C1QL4: variants seen among roughly 807,000 people sequenced by gnomAD.
C1QL4 encodes complement C1q like 4, also known as complement C1q-like protein 4.
C1QL4 carries 5 observed loss-of-function variants against 13.4 expected under a neutral mutation model. That is an observed-to-expected ratio of 0.37 (90% CI 0.19 to 0.78). C1QL4 has a LOEUF of 0.78. Among genes scored for constraint, C1QL4 ranks in the 30% least tolerant of loss-of-function variants. The pLI is 0.47. For missense variants in C1QL4, 367 were observed against 361.6 expected (o/e 1.01, Z -0.12); for synonymous variants, 168 against 153.9 (o/e 1.09, Z -0.68).
chr12:49,333,051 G>T lies in C1QL4; in HGVS notation c.*3C>A, dbSNP rs764974876. ...GCGAGCGGGGGCACGGGGCGGGGCC[G>T]GCTCAGTCGGGGTAGATGATGAAGC... On this transcript the variant is annotated 3_prime_UTR_variant, in exon 2 of 2. Coordinates refer to ENST00000334221, the MANE Select transcript of C1QL4 (RefSeq NM_001008223.2). 1.2e-6 allele frequency: 2 copies of T among 1,610,184 alleles called. No homozygotes were observed. The highest frequency in any genetic ancestry group is 2.2e-5 in the East Asian group (1 of 44,696).
chr12:49,336,757 C>T lies in C1QL4; in HGVS notation c.-280G>A, dbSNP rs556956801. 2.4e-6 allele frequency: 1 copy of T among 424,674 alleles called. No homozygotes were observed. Among genetic ancestry groups the T allele is most frequent in the Non-Finnish European group, 4.2e-6 (1 of 239,436 alleles). 26.3% of individuals were successfully genotyped at this position (424,674 alleles called of 1,614,324 possible). ...CTCGTGGGTTACGTCAGGGGCAGCT[C>T]CCGACGGTCCAGAGCCAGTGGTCCT... is the stretch of plus-strand genomic sequence containing the variant. On this transcript the variant is annotated 5_prime_UTR_variant, in exon 1 of 2. Coordinates refer to ENST00000334221, the MANE Select transcript of C1QL4 (RefSeq NM_001008223.2). The surrounding 1 kb of genome is among the most constrained non-coding windows in gnomAD (Gnocchi z 7.7).
At position 49,335,407 on chromosome 12, in the gene C1QL4, T is replaced by A. The variant is rs184595308; in HGVS notation, c.537+534A>T. Among the ~76,000 whole-genome samples, 459 of 152,352 alleles carry A rather than the reference T, an allele frequency of 3.0e-3. 1 individual carries two copies. The highest frequency in any genetic ancestry group is 6.8e-3 in the Middle Eastern group (2 of 294). On this transcript the variant is annotated intron_variant, in intron 1 of 1. Transcript: ENST00000334221. ...TGAAGTGAGCAGGCAAATGTTTTCT[T>A]CCTTTTATACCTTTTCCTCAAACAT... is the stretch of plus-strand genomic sequence containing the variant.
Position 49,336,321 on chromosome 12 carries a change from G to A in C1QL4, c.157C>T (p.Pro53Ser), listed in dbSNP as rs939588157. ...CCCACCTCTCCCTTGGCGCCTGGCG[G>A]GAAGGGGGGCACGGAAGCAGGCGCG... is the stretch of plus-strand genomic sequence containing the variant. ...DGAPASVPPF[P>S]PGAKGEVGRR... The change falls in exon 1 of 2, where the codon CCG becomes TCG. Residue 53 changes from proline (P) to serine (S), a missense_variant. Pro to Ser is a moderately conservative substitution (Grantham distance 74). Transcript: ENST00000334221. This position sits in a 1 kb window ranked among gnomAD's most constrained non-coding sequence, Gnocchi z 7.7. The A allele has an allele frequency of 1.9e-5, 27 of 1,419,062 alleles. No homozygotes were observed. The African/African-American group carries it at 2.6e-4, about 13-fold the overall frequency. The allele number at this position is 1,419,062 out of a possible 1,614,324, so 87.9% of individuals were successfully genotyped here. A position where few individuals can be genotyped will look rare whatever the true frequency, so the allele number is the denominator to read the frequency against.
intron 1 of C1QL4, among the ~76,000 whole-genome samples, chr12:49,333,832 C>T (rs1055805296): frequency 6.6e-6 from 1 of 151,822 alleles, no homozygotes; most frequent in Non-Finnish European, 1.5e-5. Context: ...GCCACCGCGC[C>T]TGGCTCAGTG....
intron 1 of C1QL4, 25 bp from the exon 2 acceptor site, chr12:49,333,258 A>G: frequency 2.5e-6 from 4 of 1,608,698 alleles, no homozygotes; most frequent in Non-Finnish European, 1.7e-6. Flanking sequence ...GAACCTGCTC[A>G]TGCTCTGTGT....
intron 1 of C1QL4, among the ~76,000 whole-genome samples, chr12:49,334,425 G>A (rs1943615922): frequency 1.3e-5 from 2 of 152,180 alleles, no homozygotes; most frequent in Non-Finnish European, 1.5e-5. Context: ...GTGGGGGGTC[G>A]TCTTCTGCCA....
In C1QL4 at chr12:49,334,957, G is replaced by A. The variant is rs549563255; in HGVS notation, c.537+984C>T. The stretch of plus-strand genomic sequence containing the variant: ...CCTGGGTCGCCACCACCCCCTTCAT[G>A]CTGGACATCCAGAGGTCACCACTCA... On this transcript the variant is annotated intron_variant, in intron 1 of 1. Coordinates refer to ENST00000334221, the MANE Select transcript of C1QL4 (RefSeq NM_001008223.2). Among the ~76,000 whole-genome samples the A allele has an allele frequency of 2.6e-5, 4 of 152,248 alleles. No individual in the cohort carries two copies. The East Asian group carries it at 7.7e-4, about 29-fold the overall frequency.
In C1QL4 at chr12:49,335,941, C is replaced by T. The variant is rs1420589770; in HGVS notation, c.537G>A (p.Gln179=). The T allele has an allele frequency of 1.3e-6, 2 of 1,598,522 alleles. No individual in the cohort carries two copies. The highest frequency in any genetic ancestry group is 1.3e-5 in the African/African-American group (1 of 74,588). Residue 179 remains glutamine (Q), a splice_region_variant and synonymous_variant, in exon 1 of 2, where the codon CAG becomes CAA. Transcript: ENST00000334221. ...SMWADLMKNG[Q]VRASAIAQDA... is the part of the protein sequence containing the mutation. ...TGGGTTGGGGAGAGGGGCATCTCACCTGTCCGTTCTTCATGAGGTCGGCCC... is the reference window on the plus strand; with the variant it reads ...TGGGTTGGGGAGAGGGGCATCTCACTTGTCCGTTCTTCATGAGGTCGGCCC...
chr12:49,335,570 GC>G (rs1266501189), intron 1 of C1QL4, among the ~76,000 whole-genome samples: 2 of 152,166 alleles, frequency 1.3e-5, no homozygotes, highest in African/African-American at 4.8e-5. Context: ...GGCCAGGGGG[GC>G]TGCCGCAGAA....
rs769557202 is a variant in C1QL4 at position 49,336,325 on chromosome 12, G to C, written c.153C>G (p.Pro51=). The change falls in exon 1 of 2, where the codon CCC becomes CCG. Residue 51 remains proline (P), a synonymous_variant. Transcript: ENST00000334221. The surrounding 1 kb of genome is among the most constrained non-coding windows in gnomAD (Gnocchi z 7.7). ...GPDGAPASVP[P]FPPGAKGEVG... is the part of the protein sequence containing the mutation. ...CCTCTCCCTTGGCGCCTGGCGGGAAGGGGGGCACGGAAGCAGGCGCGCCGT... is the reference window on the plus strand; with the variant it reads ...CCTCTCCCTTGGCGCCTGGCGGGAACGGGGGCACGGAAGCAGGCGCGCCGT... 1.5e-5 allele frequency: 22 copies of C among 1,421,310 alleles called. No homozygotes were observed. Among genetic ancestry groups the C allele is most frequent in the African/African-American group, 4.5e-5 (3 of 66,364 alleles). 88.0% of individuals were successfully genotyped at this position (1,421,310 alleles called of 1,614,324 possible).
Position 49,336,149 on chromosome 12 carries a change from A to G in C1QL4, c.329T>C (p.Ile110Thr). 1 of 1,607,428 alleles carries G rather than the reference A, an allele frequency of 6.2e-7. No individual in the cohort carries two copies. Among genetic ancestry groups the G allele is most frequent in the Non-Finnish European group, 8.5e-7 (1 of 1,177,084 alleles). Residue 110 changes from isoleucine (I) to threonine (T), a missense_variant, in exon 1 of 2, where the codon ATT (isoleucine) becomes ACT (threonine). Transcript: ENST00000334221. This position sits in a 1 kb window ranked among gnomAD's most constrained non-coding sequence, Gnocchi z 7.7. ...VAPAAGYVPR[I>T]AFYAGLRRPH... ...CCGCCGCAGGCCCGCGTAGAAAGCA[A>G]TGCGAGGCACGTAGCCGGCAGCGGG...
At position 49,336,056 on chromosome 12, in the gene C1QL4, GC is replaced by G. The variant is rs760020516; in HGVS notation, c.421del (p.Ala141GlnfsTer35). 3 of 1,612,326 alleles carry G rather than the reference GC, an allele frequency of 1.9e-6. No individual in the cohort carries two copies. In the East Asian group the frequency reaches 6.7e-5, roughly 36 times the overall value. On this transcript the variant is annotated frameshift_variant, in exon 1 of 2. Transcript: ENST00000334221. LOFTEE classifies it high-confidence loss of function. The surrounding 1 kb of genome is among the most constrained non-coding windows in gnomAD (Gnocchi z 7.7). ...GGGGCAAGTAAACTTGCCGCTGGCT[GC>G]CTCGTAGGCGTTGCCCACGTTGGTC... ...VVTNVGNAYE[A>X]ASGKFTCPMP... is the part of the protein sequence containing the mutation.
chr12:49,336,115 C>T lies in C1QL4; in HGVS notation c.363G>A (p.Glu121=), dbSNP rs776540032. 5 of 1,611,510 alleles carry T rather than the reference C, an allele frequency of 3.1e-6. No individual in the cohort carries two copies. Among genetic ancestry groups the T allele is most frequent in the Admixed American group, 1.7e-5 (1 of 59,986 alleles). ...CGTCGAAGCGCAGCACCTCGTAACC[C>T]TCGTGGGGCCGCCGCAGGCCCGCGT... is the stretch of plus-strand genomic sequence containing the variant. ...AFYAGLRRPH[E]GYEVLRFDDV... The change falls in exon 1 of 2, where the codon GAG becomes GAA. Residue 121 remains glutamate, a synonymous_variant. Transcript: ENST00000334221. The surrounding 1 kb of genome is among the most constrained non-coding windows in gnomAD (Gnocchi z 7.7).
intron 1 of C1QL4, among the ~76,000 whole-genome samples, chr12:49,335,349 C>T (rs1943623565): frequency 6.6e-6 from 1 of 152,278 alleles, no homozygotes; most frequent in Admixed American, 6.5e-5. Context: ...GCCCCCAGCC[C>T]TGGGGTGAGC....
chr12:49,332,494 G>C lies in C1QL4; in HGVS notation c.*560C>G, dbSNP rs1418322264. On this transcript the variant is annotated 3_prime_UTR_variant, in exon 2 of 2. Coordinates refer to ENST00000334221, the MANE Select transcript of C1QL4 (RefSeq NM_001008223.2). ...GATAGGGGGGAATGGGGACTGTACA[G>C]AATGCGTTTTAAATGCCAGGAAAGA... 6.2e-6 allele frequency: 1 copy of C among 160,112 alleles called. No homozygotes were observed. The highest frequency in any genetic ancestry group is 1.4e-5 in the Non-Finnish European group (1 of 72,036). The allele number at this position is 160,112 out of a possible 1,614,324, so 9.9% of individuals were successfully genotyped here. A position where few individuals can be genotyped will look rare whatever the true frequency, so the allele number is the denominator to read the frequency against.
rs781258778 is a variant in C1QL4, at chr12:49,337,087, C to CCCAG, written c.-614_-611dup. ...CTCACCTTGCTACCCCTGCCGCGGCCCCAGTCCCTGCTAGAGCCCTGGCCC... is the reference window on the plus strand; with the variant it reads ...CTCACCTTGCTACCCCTGCCGCGGCCCCAGCCAGTCCCTGCTAGAGCCCTGGCCC... On this transcript the variant is annotated 5_prime_UTR_variant, in exon 1 of 2. Transcript: ENST00000334221. The CCCAG allele has an allele frequency of 3.3e-5, 5 of 152,426 alleles. No homozygotes were observed. Among genetic ancestry groups the CCCAG allele is most frequent in the Non-Finnish European group, 5.9e-5 (4 of 68,226 alleles). The allele number at this position is 152,426 out of a possible 1,614,324, so 9.4% of individuals were successfully genotyped here. A position where few individuals can be genotyped will look rare whatever the true frequency, so the allele number is the denominator to read the frequency against.
intron 1 of C1QL4, among the ~76,000 whole-genome samples, chr12:49,334,173 A>G (rs1385374456): frequency 2.6e-5 from 4 of 152,208 alleles, no homozygotes; most frequent in Admixed American, 2.0e-4. Flanking sequence ...AGCCTCGGCA[A>G]CAAGAGCGAA....
At position 49,333,252 on chromosome 12, in the gene C1QL4, C is replaced by CTGCTCATG; in HGVS notation, c.538-27_538-20dup. ...CCCGGACCTATCGAGGGAGAAGAAC[C>CTGCTCATG]TGCTCATGCTCTGTGTGGAGCTGGG... On this transcript the variant is annotated intron_variant, in intron 1 of 1. Transcript: ENST00000334221. 1 of 1,610,652 alleles carries CTGCTCATG rather than the reference C, an allele frequency of 6.2e-7. No homozygotes were observed. Among genetic ancestry groups the CTGCTCATG allele is most frequent in the Non-Finnish European group, 8.5e-7 (1 of 1,178,240 alleles).
chr12:49,332,938 AG>A lies in C1QL4; in HGVS notation c.*115del, dbSNP rs970822373. 1 of 1,121,270 alleles carries A rather than the reference AG, an allele frequency of 8.9e-7. No homozygotes were observed. Among genetic ancestry groups the A allele is most frequent in the Non-Finnish European group, 1.2e-6 (1 of 804,724 alleles). The allele number at this position is 1,121,270 out of a possible 1,614,324, so 69.5% of individuals were successfully genotyped here. A position where few individuals can be genotyped will look rare whatever the true frequency, so the allele number is the denominator to read the frequency against. ...CATTTAGGCCGCCTCCGGGAACGGA[AG>A]GGTCCACCCCACCGCCAGGCTCTCA... is the stretch of plus-strand genomic sequence containing the variant. On this transcript the variant is annotated 3_prime_UTR_variant, in exon 2 of 2. Coordinates refer to ENST00000334221, the MANE Select transcript of C1QL4 (RefSeq NM_001008223.2).
Sources: allele counts gnomAD v4.1 joint callset (sites outside exome capture counted in the v4.1 genomes callset), GRCh38; gene constraint gnomAD v4.1.1; non-coding constraint Gnocchi (gnomAD v3.1); transcripts MANE v1.5; gene names NCBI Gene and HGNC (gene_info 2026-07-23, HGNC 2026-07-21).